Variants in TRMT13 observed in about 807,000 individuals in gnomAD.
The protein encoded by TRMT13 is tRNA methyltransferase 13, also known as tRNA:m(4)X modification enzyme TRM13 homolog.
TRMT13 carries 45 observed loss-of-function variants against 55.9 expected under a neutral mutation model. The observed-to-expected ratio is 0.80, with a 90% CI of 0.63 to 1.03. The LOEUF is 1.03. Among genes scored for constraint, TRMT13 ranks in the 50% least tolerant of loss-of-function variants. The pLI is 0.00. For synonymous variants in TRMT13, 183 were observed against 196.3 expected, an observed-to-expected ratio of 0.93 and a Z score of 0.57; for missense variants, 513 against 563.9, an observed-to-expected ratio of 0.91 and a Z score of 0.91.
At chr1:100,140,634 T>C (rs1462773189) in intron 6 of TRMT13, 120 bp downstream of exon 6, 22 of 905,140 alleles carry the variant, frequency 2.4e-5, no homozygotes, top group Non-Finnish European at 3.5e-5. Flanking sequence ...AATATTTCCA[T>C]TTCAAAAATA....
intron 1 of TRMT13, among the ~76,000 whole-genome samples, chr1:100,136,307 A>G (rs1390231322): frequency 2.0e-5 from 3 of 152,184 alleles, no homozygotes; most frequent in Admixed American, 1.3e-4. Context: ...CTTAAAATCC[A>G]TATGTCAATG....
chr1:100,139,273 T>C (rs1385909717), intron 3 of TRMT13, among the ~76,000 whole-genome samples: 1 of 152,240 alleles, frequency 6.6e-6, no homozygotes, highest in African/African-American at 2.4e-5. Context: ...CTGTTTTTAC[T>C]TTAGCACTAT....
At chr1:100,146,307 G>A (rs72728141) in intron 9 of TRMT13, among the ~76,000 whole-genome samples, 5,693 of 152,224 alleles carry the variant, frequency 0.037, 149 homozygotes, top group Non-Finnish European at 0.062. Flanking sequence ...AATTTTTTGA[G>A]TATATGGTAT....
At chr1:100,144,353 G>A (rs1269849116) in intron 9 of TRMT13, 3 of 466,108 alleles carry the variant, frequency 6.4e-6, no homozygotes, top group Admixed American at 7.6e-5. Flanking sequence ...TAAGAGTTTT[G>A]TATGTAAATA....
rs776362704 is a variant in TRMT13 at position 100,133,230 on chromosome 1, A to G, written c.62A>G (p.Tyr21Cys). Reference protein sequence around the residue: ...PGFPAEGRCGYYVEKKKRFCR... With the variant: ...PGFPAEGRCGCYVEKKKRFCR... ...TTTCCAGCTGAGGGTAGATGCGGTT[A>G]CTATGTGGAAAAGAAGAAACGGTTC... is the stretch of plus-strand genomic sequence containing the variant. The change falls in exon 1 of 11, where the codon TAC becomes TGC. Residue 21 changes from tyrosine to cysteine, a missense_variant. By Grantham distance (194) the Tyr-to-Cys change is radical. Coordinates refer to ENST00000370141, the MANE Select transcript of TRMT13 (RefSeq NM_019083.3). 1.2e-6 allele frequency: 2 copies of G among 1,614,104 alleles called. No homozygotes were observed. The highest frequency in any genetic ancestry group is 1.1e-5 in the South Asian group (1 of 91,072).
chr1:100,141,702 C>T (rs1217662694), intron 7 of TRMT13, among the ~76,000 whole-genome samples: 4 of 152,190 alleles, frequency 2.6e-5, no homozygotes, highest in East Asian at 1.9e-4. Context: ...TGTTAAAATA[C>T]GAGAAAGGTC....
chr1:100,146,226 C>A (rs912785713), intron 9 of TRMT13, among the ~76,000 whole-genome samples: 2 of 152,144 alleles, frequency 1.3e-5, no homozygotes, highest in Non-Finnish European at 2.9e-5. Flanking sequence ...TATCATAATA[C>A]CCTCTGCATA....
rs1052577325 is a variant in TRMT13, at chr1:100,150,197, AAT to A, written c.*1380_*1381del. The A allele has an allele frequency of 2.6e-5, 4 of 152,206 alleles. No homozygotes were observed. Among genetic ancestry groups the A allele is most frequent in the African/African-American group, 9.6e-5 (4 of 41,464 alleles). The allele number at this position is 152,206 out of a possible 1,614,324, so 9.4% of individuals were successfully genotyped here. A position where few individuals can be genotyped will look rare whatever the true frequency, so the allele number is the denominator to read the frequency against. On this transcript the variant is annotated 3_prime_UTR_variant, in exon 11 of 11. Coordinates refer to ENST00000370141, the MANE Select transcript of TRMT13 (RefSeq NM_019083.3). ...GTTCCAAGCACAGAGTAATTCAATAAATATTAACTAGTAATAGTAGTGGTAGT... is the reference window on the plus strand; with the variant it reads ...GTTCCAAGCACAGAGTAATTCAATAAATTAACTAGTAATAGTAGTGGTAGT...
In TRMT13 at chr1:100,133,166, A is replaced by T. The variant is rs368329718; in HGVS notation, c.-3A>T. On this transcript the variant is annotated 5_prime_UTR_variant, in exon 1 of 11. Coordinates refer to ENST00000370141, the MANE Select transcript of TRMT13 (RefSeq NM_019083.3). ...CTGGACACCGGAAGCGAGCCCTAGA[A>T]TTATGGCGACCTCCGCGACGTCGCC... The T allele has an allele frequency of 1.2e-6, 2 of 1,613,860 alleles. No individual in the cohort carries two copies. The highest frequency in any genetic ancestry group is 8.5e-7 in the Non-Finnish European group (1 of 1,179,936).
intron 9 of TRMT13, 67 bp downstream of exon 9, chr1:100,144,210 T>A: frequency 9.0e-7 from 1 of 1,105,910 alleles, no homozygotes; most frequent in East Asian, 2.4e-5. Flanking sequence ...GCCCCAACCA[T>A]TTCAGTGGTC....
chr1:100,140,689 A>G, intron 6 of TRMT13, 163 bp from the exon 7 acceptor site: 2 of 836,694 alleles, frequency 2.4e-6, no homozygotes, highest in Non-Finnish European at 3.7e-6. Flanking sequence ...TGTGATTCTG[A>G]GTACCGTATA....
chr1:100,144,056 A>T lies in TRMT13; in HGVS notation c.743-13A>T. ...TTATTTCACTAGACAGTTAATTCTCATTTCCATTTCAGACAAGATTCCTGT... is the reference window on the plus strand; with the variant it reads ...TTATTTCACTAGACAGTTAATTCTCTTTTCCATTTCAGACAAGATTCCTGT... On this transcript the variant is annotated splice_polypyrimidine_tract_variant and intron_variant, in intron 8 of 10. Coordinates refer to ENST00000370141, the MANE Select transcript of TRMT13 (RefSeq NM_019083.3). 1 of 1,601,996 alleles carries T rather than the reference A, an allele frequency of 6.2e-7. No individual in the cohort carries two copies. Among genetic ancestry groups the T allele is most frequent in the Non-Finnish European group, 8.6e-7 (1 of 1,169,292 alleles).
chr1:100,133,179 C>G lies in TRMT13; in HGVS notation c.11C>G (p.Ser4Cys). 1 of 1,614,164 alleles carries G rather than the reference C, an allele frequency of 6.2e-7. No homozygotes were observed. Among genetic ancestry groups the G allele is most frequent in the Non-Finnish European group, 8.5e-7 (1 of 1,180,032 alleles). MATSATSPHAPGFP... is the reference protein window; with the variant it reads MATCATSPHAPGFP... ...GCGAGCCCTAGAATTATGGCGACCT[C>G]CGCGACGTCGCCGCACGCGCCTGGT... The change falls in exon 1 of 11, where the codon TCC (serine) becomes TGC (cysteine). Residue 4 changes from serine (S) to cysteine (C), a missense_variant. This residue lies in a region of TRMT13 where 298 missense variants were observed against 290.3 expected (regional missense o/e 1.03). Transcript: ENST00000370141.
At chr1:100,143,235 C>T (rs764024446) in intron 8 of TRMT13, 26 bp downstream of exon 8, 1 of 1,472,606 alleles carries the variant, frequency 6.8e-7, no homozygotes, top group South Asian at 1.2e-5. Context: ...TTCCATTGGT[C>T]TACAAATAAA....
chr1:100,135,442 G>A (rs1342563860), intron 1 of TRMT13, among the ~76,000 whole-genome samples: 1 of 152,082 alleles, frequency 6.6e-6, no homozygotes, highest in Non-Finnish European at 1.5e-5. Context: ...TCATGGACAT[G>A]CTGAGAGGCA....
chr1:100,134,137 A>G (rs1301610766), intron 1 of TRMT13, among the ~76,000 whole-genome samples: 8 of 152,316 alleles, frequency 5.3e-5, no homozygotes, highest in African/African-American at 1.7e-4. Flanking sequence ...AATGGGAAGG[A>G]AAGATTTTTA....
At chr1:100,134,919 A>T (rs571939832) in intron 1 of TRMT13, among the ~76,000 whole-genome samples, 13 of 152,206 alleles carry the variant, frequency 8.5e-5, no homozygotes, top group Non-Finnish European at 1.8e-4. Flanking sequence ...TCTGTAATTT[A>T]TGATGTAACT....
intron 1 of TRMT13, among the ~76,000 whole-genome samples, chr1:100,135,256 T>C (rs57224324): frequency 0.033 from 5,047 of 152,238 alleles, 302 homozygotes; most frequent in African/African-American, 0.11. Context: ...GCTTTTTTTT[T>C]CCTATGCTAC....
At chr1:100,138,485 A>T (rs1000491855) in intron 3 of TRMT13, among the ~76,000 whole-genome samples, 4 of 152,040 alleles carry the variant, frequency 2.6e-5, no homozygotes, top group African/African-American at 9.7e-5. Flanking sequence ...TCCTGCAGTA[A>T]AACATTGTAA....
Sources: gnomAD v4.1 joint callset for allele counts (sites outside exome capture counted in the v4.1 genomes callset) on GRCh38, gnomAD v4.1.1 for gene constraint, gnomAD v4.1.1 regional missense constraint, MANE v1.5 for transcripts, NCBI Gene and HGNC (gene_info 2026-07-23, HGNC 2026-07-21) for gene names.